The following DOK1 variants were observed in gnomAD, a reference collection of about 807,000 sequenced individuals.
DOK1 encodes the protein Downstream of tyrosine kinase 1.
DOK1 carries 12 observed loss-of-function variants against 24.0 expected under a neutral mutation model. The observed-to-expected ratio is 0.50, with a 90% CI of 0.32 to 0.81. The LOEUF (loss-of-function observed/expected upper bound fraction) is 0.81, where lower values mean the gene tolerates loss of function less well. Among genes scored for constraint, DOK1 ranks in the 30% least tolerant of loss-of-function variants. DOK1 has a pLI of 0.03. For missense variants in DOK1, 591 were observed against 620.7 expected (o/e 0.95, Z 0.51); for synonymous variants, 250 against 260.9 (o/e 0.96, Z 0.40).
At position 74,555,654 on chromosome 2, in the gene DOK1, G is replaced by A. The variant is rs759604626; in HGVS notation, c.440G>A (p.Ser147Asn). The part of the protein sequence containing the change: ...ALEMLENSLY[S>N]PTWEGSQFWV... ...GAGATGCTGGAGAACTCCTTGTACAGCCCTACCTGGGAAGGTAGACGCCTC... is the reference window on the plus strand; with the variant it reads ...GAGATGCTGGAGAACTCCTTGTACAACCCTACCTGGGAAGGTAGACGCCTC... The change falls in exon 3 of 5, where the codon AGC (serine) becomes AAC (asparagine). Residue 147 changes from serine to asparagine, a missense_variant. Transcript: ENST00000233668. The surrounding 1 kb of genome is among the most constrained non-coding windows in gnomAD (Gnocchi z 6.1). 1 of 1,614,052 alleles carries A rather than the reference G, an allele frequency of 6.2e-7. No individual in the cohort carries two copies. Among genetic ancestry groups the A allele is most frequent in the South Asian group, 1.1e-5 (1 of 91,074 alleles).
chr2:74,552,558 G>T, upstream of DOK1: 1 of 1,611,746 alleles, frequency 6.2e-7, no homozygotes, highest in Non-Finnish European at 8.5e-7. Context: ...AGGGGACGGA[G>T]ACCCCAAGCA....
At chr2:74,550,049 C>T, upstream of DOK1, 1 of 1,476,608 alleles carries the variant, frequency 6.8e-7, no homozygotes, top group South Asian at 1.4e-5. Context: ...GGAGCTCTAT[C>T]ATTTGCTTTT....
At chr2:74,552,269 G>T (rs1677061935), upstream of DOK1, 4 of 1,522,736 alleles carry the variant, frequency 2.6e-6, no homozygotes, top group Non-Finnish European at 3.6e-6. Flanking sequence ...CCCTTTCCCT[G>T]CACTTTGGCC....
At position 74,554,720 on chromosome 2, in the gene DOK1, A is replaced by T. The variant is rs773554847; in HGVS notation, c.-35A>T. 3.8e-6 allele frequency: 6 copies of T among 1,592,364 alleles called. No individual in the cohort carries two copies. The highest frequency in any genetic ancestry group is 5.2e-6 in the Non-Finnish European group (6 of 1,163,698). The stretch of plus-strand genomic sequence containing the variant: ...CGCCTCCCGCCCCGCCTCCCGCCGC[A>T]GGGCCAGGAAGCGCGGAAGGAACCG... On this transcript the variant is annotated 5_prime_UTR_variant, in exon 1 of 5. Transcript: ENST00000233668. This position sits in a 1 kb window ranked among gnomAD's most constrained non-coding sequence, Gnocchi z 4.9.
chr2:74,554,619 C>T (rs921976495), upstream of DOK1: 16 of 775,712 alleles, frequency 2.1e-5, no homozygotes, highest in African/African-American at 2.5e-4. This position sits in a 1 kb window ranked among gnomAD's most constrained non-coding sequence, Gnocchi z 4.9. Context: ...TCCTCTCCCT[C>T]ACCCCACCGC....
Position 74,549,298 on chromosome 2 carries a change from G to A in DOK1, c.-358+126G>A. ...TCCCGTGCCCCGGACCTGCTCAGAT[G>A]TCTCCCAAGGCTATTCATCAGGGAG... is the stretch of plus-strand genomic sequence containing the variant. On this transcript the variant is annotated intron_variant, in intron 1 of 4. Transcript: ENST00000409429. This position sits in a 1 kb window ranked among gnomAD's most constrained non-coding sequence, Gnocchi z 5.3. The A allele has an allele frequency of 6.8e-7, 1 of 1,461,986 alleles. No individual in the cohort carries two copies. The highest frequency in any genetic ancestry group is 2.4e-5 in the Admixed American group (1 of 41,488). The allele number at this position is 1,461,986 out of a possible 1,614,324, so 90.6% of individuals were successfully genotyped here. A position where few individuals can be genotyped will look rare whatever the true frequency, so the allele number is the denominator to read the frequency against.
chr2:74,556,801 A>C lies in DOK1; in HGVS notation c.1133A>C (p.Asp378Ala). Residue 378 changes from aspartate to alanine, a missense_variant, in exon 5 of 5, where the codon GAT becomes GCT. Physicochemically the swap from Asp to Ala is moderately radical, Grantham distance 126. Transcript: ENST00000233668. This position sits in a 1 kb window ranked among gnomAD's most constrained non-coding sequence, Gnocchi z 4.1. ...LAPVPPQGLY[D>A]LPREPKDAWW... ...CCAGTCCCTCCCCAGGGCCTTTATG[A>C]TCTGCCTCGGGAGCCCAAGGATGCA... 1 of 1,614,102 alleles carries C rather than the reference A, an allele frequency of 6.2e-7. No homozygotes were observed. Among genetic ancestry groups the C allele is most frequent in the Non-Finnish European group, 8.5e-7 (1 of 1,180,000 alleles).
At chr2:74,554,510 C>G, upstream of DOK1, 2 of 567,664 alleles carry the variant, frequency 3.5e-6, no homozygotes, top group Middle Eastern at 4.7e-4. This position sits in a 1 kb window ranked among gnomAD's most constrained non-coding sequence, Gnocchi z 4.9. Context: ...AAACCGAGGA[C>G]TTTCGGTGGA....
chr2:74,550,281 C>T (rs756254806), upstream of DOK1: 5 of 1,614,178 alleles, frequency 3.1e-6, no homozygotes, highest in Middle Eastern at 1.6e-4. Context: ...TCCCCCAGCC[C>T]CGGGAGGCAC....
chr2:74,550,295 C>G, upstream of DOK1: 1 of 1,614,130 alleles, frequency 6.2e-7, no homozygotes, highest in Non-Finnish European at 8.5e-7. Context: ...GAGGCACATT[C>G]AGTCACACTC....
In DOK1 at chr2:74,555,432, G is replaced by A. The variant is rs1350909324; in HGVS notation, c.339G>A (p.Thr113=). The part of the protein sequence containing the change: ...DAPSSAAWVQ[T]LCRNAFPKGS... ...CGTCCAGTGCAGCCTGGGTGCAGAC[G>A]CTGTGCCGAAACGCCTTTCCGGTGA... The change falls in exon 2 of 5, where the codon ACG becomes ACA. Residue 113 remains threonine, a synonymous_variant. Transcript: ENST00000233668. This position sits in a 1 kb window ranked among gnomAD's most constrained non-coding sequence, Gnocchi z 6.1. 34 of 1,609,936 alleles carry A rather than the reference G, an allele frequency of 2.1e-5. No homozygotes were observed. The highest frequency in any genetic ancestry group is 2.9e-5 in the Non-Finnish European group (34 of 1,178,928).
chr2:74,550,439 C>A, upstream of DOK1: 1 of 1,352,496 alleles, frequency 7.4e-7, no homozygotes, highest in Admixed American at 2.1e-5. Flanking sequence ...GCTGAGGCCT[C>A]CCACTTGGCC....
chr2:74,554,979 C>G lies in DOK1; in HGVS notation c.60+165C>G. ...CACACTCCCGGGAAGCGTCTGTAGT[C>G]TAGGGGTTCTGGTCCTGGGGAGACG... On this transcript the variant is annotated intron_variant, in intron 1 of 4. Coordinates refer to ENST00000233668, the MANE Select transcript of DOK1 (RefSeq NM_001381.5). The surrounding 1 kb of genome is among the most constrained non-coding windows in gnomAD (Gnocchi z 4.9). 1 of 1,404,492 alleles carries G rather than the reference C, an allele frequency of 7.1e-7. No individual in the cohort carries two copies. Among genetic ancestry groups the G allele is most frequent in the Non-Finnish European group, 9.8e-7 (1 of 1,021,276 alleles). The allele number at this position is 1,404,492 out of a possible 1,614,324, so 87.0% of individuals were successfully genotyped here.
rs1186510171 is a variant in DOK1, at chr2:74,555,078, G to A, written c.61-76G>A. On this transcript the variant is annotated intron_variant, in intron 1 of 4. Coordinates refer to ENST00000233668, the MANE Select transcript of DOK1 (RefSeq NM_001381.5). The surrounding 1 kb of genome is among the most constrained non-coding windows in gnomAD (Gnocchi z 6.1). ...CCCAGATCCCAAATCGACTTGCGCCGCAACCTCCTTCCCCGTCGGGACCCG... is the reference window on the plus strand; with the variant it reads ...CCCAGATCCCAAATCGACTTGCGCCACAACCTCCTTCCCCGTCGGGACCCG... The A allele has an allele frequency of 2.0e-6, 3 of 1,514,292 alleles. No homozygotes were observed. Among genetic ancestry groups the A allele is most frequent in the African/African-American group, 2.8e-5 (2 of 72,458 alleles). The allele number at this position is 1,514,292 out of a possible 1,614,324, so 93.8% of individuals were successfully genotyped here.
rs1017302176 is a variant in DOK1, at chr2:74,549,442, C to A, written c.-358+270C>A. The A allele has an allele frequency of 6.2e-7, 1 of 1,613,166 alleles. No homozygotes were observed. Among genetic ancestry groups the A allele is most frequent in the South Asian group, 1.1e-5 (1 of 90,940 alleles). On this transcript the variant is annotated intron_variant, in intron 1 of 4. Transcript: ENST00000409429. This position sits in a 1 kb window ranked among gnomAD's most constrained non-coding sequence, Gnocchi z 5.3. ...CCGCAGACCACGTGGCTGTTGTGGG[C>A]GCTCCAGCCTTTGTCGCACACTTGC...
upstream of DOK1, among the ~76,000 whole-genome samples, chr2:74,550,934 GTTTT>G (rs1030182702): frequency 7.4e-6 from 1 of 135,398 alleles, no homozygotes; most frequent in Non-Finnish European, 1.6e-5. Context: ...TCTGAAACCT[GTTTT>G]TTTTTTTTTT....
upstream of DOK1, chr2:74,550,434 G>C: frequency 2.1e-6 from 3 of 1,410,052 alleles, no homozygotes. Flanking sequence ...TGAGTGCTGA[G>C]GCCTCCCACT....
Position 74,556,912 on chromosome 2 carries a change from G to C in DOK1, c.1244G>C (p.Arg415Pro), listed in dbSNP as rs200035741. 1 of 1,614,016 alleles carries C rather than the reference G, an allele frequency of 6.2e-7. No homozygotes were observed. Among genetic ancestry groups the C allele is most frequent in the South Asian group, 1.1e-5 (1 of 91,090 alleles). The change falls in exon 5 of 5, where the codon CGG (arginine) becomes CCG (proline). Residue 415 changes from arginine to proline, a missense_variant. Arg to Pro is a moderately radical substitution (Grantham distance 103, BLOSUM62 -2). Transcript: ENST00000233668. This position sits in a 1 kb window ranked among gnomAD's most constrained non-coding sequence, Gnocchi z 4.1. ...GATGACTACGCTGTGCCACCCCCTC[G>C]GAGCACAAAGCCCCTCCTTGCTCCC... ...ATDDYAVPPP[R>P]STKPLLAPKP...
chr2:74,549,382 C>T lies in DOK1; in HGVS notation c.-358+210C>T, dbSNP rs771222328. ...GCGGCCCCTCACCTGTAGAAGGCCGCGTTGACCCTCTTTTCGCTGGGGAAG... is the reference window on the plus strand; with the variant it reads ...GCGGCCCCTCACCTGTAGAAGGCCGTGTTGACCCTCTTTTCGCTGGGGAAG... On this transcript the variant is annotated intron_variant, in intron 1 of 4. Coordinates refer to the DOK1 transcript ENST00000409429. This position sits in a 1 kb window ranked among gnomAD's most constrained non-coding sequence, Gnocchi z 5.3. 3 of 1,607,114 alleles carry T rather than the reference C, an allele frequency of 1.9e-6. No individual in the cohort carries two copies. The highest frequency in any genetic ancestry group is 1.7e-6 in the Non-Finnish European group (2 of 1,176,762).
Sources: allele counts gnomAD v4.1 joint callset (sites outside exome capture counted in the v4.1 genomes callset), GRCh38; gene constraint gnomAD v4.1.1; non-coding constraint Gnocchi (gnomAD v3.1); transcripts MANE v1.5; gene names NCBI Gene and HGNC (gene_info 2026-07-23, HGNC 2026-07-21).